BBOX1: variants seen among roughly 807,000 people sequenced by gnomAD.
BBOX1 encodes gamma-butyrobetaine dioxygenase.
Under a neutral mutation model 41.6 loss-of-function variants are expected in BBOX1, and 35 were observed. The ratio of observed to expected loss-of-function variants is 0.84; its 90% CI spans 0.64 to 1.11. The LOEUF is 1.11. Ranked by LOEUF, BBOX1 falls within the 50% of genes most tolerant of loss-of-function variation. The pLI is 0.00. For missense variants in BBOX1, 458 were observed against 460.6 expected, an observed-to-expected ratio of 0.99 and a Z score of 0.05; for synonymous variants, 163 against 154.7, an observed-to-expected ratio of 1.05 and a Z score of -0.40.
At chr11:27,042,113 T>C (rs1181379848) in intron 2 of BBOX1, among the ~76,000 whole-genome samples, 2 of 152,218 alleles carry the variant, frequency 1.3e-5, no homozygotes, top group Non-Finnish European at 2.9e-5. Flanking sequence ...TATGTTCTGG[T>C]TTAAATAATT....
chr11:27,075,557 GC>G (rs1857605829), intron 4 of BBOX1, among the ~76,000 whole-genome samples: 1 of 152,064 alleles, frequency 6.6e-6, no homozygotes, highest in Admixed American at 6.6e-5. Flanking sequence ...GGGAAGGATG[GC>G]CTCTCCCTTG....
At chr11:27,044,081 T>C (rs571284259) in intron 2 of BBOX1, among the ~76,000 whole-genome samples, 1 of 152,320 alleles carries the variant, frequency 6.6e-6, no homozygotes, top group South Asian at 2.1e-4. Context: ...GTGTTCCTAT[T>C]TCTCCACATC....
At chr11:27,108,803 CA>C (rs1858953013) in intron 5 of BBOX1, among the ~76,000 whole-genome samples, 1 of 152,010 alleles carries the variant, frequency 6.6e-6, no homozygotes, top group South Asian at 2.1e-4. Context: ...TCCCAGGGAA[CA>C]GGTGAGAAAC....
At chr11:27,043,573 C>T (rs1851406307) in intron 2 of BBOX1, among the ~76,000 whole-genome samples, 1 of 152,112 alleles carries the variant, frequency 6.6e-6, no homozygotes, top group Non-Finnish European at 1.5e-5. Flanking sequence ...TAGCATTTCT[C>T]CTAATGGTAT....
At chr11:27,074,958 A>C (rs553313205) in intron 4 of BBOX1, among the ~76,000 whole-genome samples, 1 of 152,212 alleles carries the variant, frequency 6.6e-6, no homozygotes, top group Non-Finnish European at 1.5e-5. Flanking sequence ...TTCTAGGTAC[A>C]TGGTGCAAGC....
chr11:27,070,791 C>T (rs1452570350), intron 4 of BBOX1, among the ~76,000 whole-genome samples: 3 of 148,916 alleles, frequency 2.0e-5, no homozygotes, highest in Admixed American at 1.4e-4. Flanking sequence ...ATGTTCATGT[C>T]GAGATGTGAG....
At position 27,127,286 on chromosome 11, in the gene BBOX1, T is replaced by C; in HGVS notation, c.1004-7T>C. 1 of 1,612,574 alleles carries C rather than the reference T, an allele frequency of 6.2e-7. No homozygotes were observed. Among genetic ancestry groups the C allele is most frequent in the Non-Finnish European group, 8.5e-7 (1 of 1,179,622 alleles). On this transcript the variant is annotated splice_polypyrimidine_tract_variant and splice_region_variant and intron_variant, in intron 8 of 8. Transcript: ENST00000263182. ...ATTATTCATATTGGAAAAAATCTTT[T>C]CTTTAGGTGATGTGATTACTTTTGA...
At chr11:27,125,575 T>C in intron 7 of BBOX1, 79 bp from the exon 8 acceptor site, 1 of 1,210,052 alleles carries the variant, frequency 8.3e-7, no homozygotes, top group South Asian at 2.1e-5. Flanking sequence ...CAAAAATATA[T>C]TTGAAGAGGA....
chr11:27,058,144 A>C (rs1857039755), intron 4 of BBOX1, among the ~76,000 whole-genome samples: 1 of 152,090 alleles, frequency 6.6e-6, no homozygotes, highest in African/African-American at 2.4e-5. Flanking sequence ...TTCTTGCAAG[A>C]TCTGGTCATT....
intron 5 of BBOX1, among the ~76,000 whole-genome samples, chr11:27,104,440 T>C (rs189758974): frequency 1.3e-5 from 2 of 152,312 alleles, no homozygotes; most frequent in Non-Finnish European, 2.9e-5. Flanking sequence ...GATGTTGTCA[T>C]TGAATTCTTG....
At chr11:27,091,164 G>A (rs182122537) in intron 4 of BBOX1, among the ~76,000 whole-genome samples, 128 of 152,010 alleles carry the variant, frequency 8.4e-4, no homozygotes, top group Non-Finnish European at 6.6e-4. Flanking sequence ...TTCCTCTGCC[G>A]CAGCTTCAGC....
chr11:27,046,402 A>G (rs1179105930), intron 2 of BBOX1: 1 of 151,438 alleles, frequency 6.6e-6, no homozygotes, highest in Non-Finnish European at 1.5e-5. Flanking sequence ...GAGAAAAAAT[A>G]TGGTAGGTGA....
intron 5 of BBOX1, among the ~76,000 whole-genome samples, 185 bp downstream of exon 5, chr11:27,093,551 G>T (rs879895781): frequency 3.3e-5 from 5 of 151,978 alleles, no homozygotes; most frequent in Non-Finnish European, 7.4e-5. Context: ...GAGACCAAAA[G>T]CCCAAAGACA....
chr11:27,073,733 T>C (rs1443320225), intron 4 of BBOX1, among the ~76,000 whole-genome samples: 1 of 152,046 alleles, frequency 6.6e-6, no homozygotes, highest in Non-Finnish European at 1.5e-5. Context: ...TATGCAGCCA[T>C]AAAAAAGGAT....
At position 27,125,337 on chromosome 11, in the gene BBOX1, C is replaced by G. The variant is rs957470382; in HGVS notation, c.837-317C>G. 2.0e-5 allele frequency among the ~76,000 whole-genome samples: 3 copies of G among 151,954 alleles called. No homozygotes were observed. The East Asian group carries it at 5.8e-4, about 29-fold the overall frequency. ...TTGTAACATGAAAGGATTTTAATAC[C>G]TGTTTCAAATAACAAAGAATGAATG... On this transcript the variant is annotated intron_variant, in intron 7 of 8. Transcript: ENST00000263182.
intron 5 of BBOX1, among the ~76,000 whole-genome samples, chr11:27,106,485 G>T (rs929662511): frequency 5.9e-5 from 9 of 152,096 alleles, no homozygotes; most frequent in Admixed American, 1.3e-4. Context: ...GATCAAAAGA[G>T]ACAAAGAAGC....
At chr11:27,056,635 C>A (rs1202358139) in intron 3 of BBOX1, among the ~76,000 whole-genome samples, 2 of 152,098 alleles carry the variant, frequency 1.3e-5, no homozygotes, top group Non-Finnish European at 1.5e-5. Context: ...GTTTGGGGAT[C>A]CCAGGTTTAG....
intron 4 of BBOX1, among the ~76,000 whole-genome samples, chr11:27,070,584 C>T (rs952030326): frequency 6.6e-6 from 1 of 152,048 alleles, no homozygotes; most frequent in Non-Finnish European, 1.5e-5. Flanking sequence ...ATAGCTACTT[C>T]TGCTCGCTTT....
At chr11:27,102,851 T>C (rs1858711794) in intron 5 of BBOX1, among the ~76,000 whole-genome samples, 1 of 152,184 alleles carries the variant, frequency 6.6e-6, no homozygotes, top group Non-Finnish European at 1.5e-5. Flanking sequence ...GCATCTTTAA[T>C]ATGTCACTTA....
Sources: gnomAD v4.1 joint callset for allele counts (sites outside exome capture counted in the v4.1 genomes callset) on GRCh38, gnomAD v4.1.1 for gene constraint, MANE v1.5 for transcripts, NCBI Gene and HGNC (gene_info 2026-07-23, HGNC 2026-07-21) for gene names.